SMARCAL1: variants seen among roughly 807,000 people sequenced by gnomAD.
SMARCAL1 encodes the protein SNF2 related chromatin remodeling annealing helicase 1, also known as ATP-driven annealing helicase.
In SMARCAL1, 58 loss-of-function variants were observed where a neutral mutation model predicts 94.5. That is an observed-to-expected ratio of 0.61 (90% CI 0.50 to 0.76). The LOEUF (loss-of-function observed/expected upper bound fraction) is 0.76, where lower values mean the gene tolerates loss of function less well. Among genes scored for constraint, SMARCAL1 ranks in the 30% least tolerant of loss-of-function variants. The pLI, the probability that SMARCAL1 is intolerant of heterozygous loss-of-function variation, is 0.00. For synonymous variants in SMARCAL1, 422 were observed against 455.1 expected (o/e 0.93, Z 0.93); for missense variants, 1,051 against 1,177.9 (o/e 0.89, Z 1.58).
rs927384388 is a variant in SMARCAL1, at chr2:216,447,232, T to C, written c.1851+74T>C. Reference sequence around the variant, plus strand: ...TTGACACTTATCTTTCTCTTCCTTCTCTCTGGCCATGATATGGTCAGAAGA... The same window carrying C: ...TTGACACTTATCTTTCTCTTCCTTCCCTCTGGCCATGATATGGTCAGAAGA... On this transcript the variant is annotated intron_variant, in intron 11 of 17. Coordinates refer to ENST00000357276, the MANE Select transcript of SMARCAL1 (RefSeq NM_014140.4). 6 of 1,559,030 alleles carry C rather than the reference T, an allele frequency of 3.8e-6. No individual in the cohort carries two copies. The African/African-American group carries it at 4.1e-5, about 11-fold the overall frequency.
At chr2:216,435,299 G>A (rs1694057222) in intron 8 of SMARCAL1, 39 bp from the exon 9 acceptor site, 1 of 1,612,074 alleles carries the variant, frequency 6.2e-7, no homozygotes, top group Non-Finnish European at 8.5e-7. Context: ...TGCTGTGCTG[G>A]GTGGTCATTG....
chr2:216,424,287 G>C (rs891052515), intron 6 of SMARCAL1, among the ~76,000 whole-genome samples: 1 of 152,160 alleles, frequency 6.6e-6, no homozygotes, highest in Non-Finnish European at 1.5e-5. Context: ...TCTGTGTTTT[G>C]CTTAGATGGG....
At position 216,447,106 on chromosome 2, in the gene SMARCAL1, C is replaced by T; in HGVS notation, c.1799C>T (p.Thr600Ile). Reference protein sequence around the residue: ...LYTQIIAVKPTFFPQFHAFGL... With the variant: ...LYTQIIAVKPIFFPQFHAFGL... ...ACGCAGATCATCGCAGTCAAGCCAA[C>T]TTTCTTCCCCCAGTTTCATGCCTTT... Residue 600 changes from threonine to isoleucine, a missense_variant, in exon 11 of 18, where the codon ACT (threonine) becomes ATT (isoleucine). By Grantham distance (89) the Thr-to-Ile change is moderately conservative. Coordinates refer to ENST00000357276, the MANE Select transcript of SMARCAL1 (RefSeq NM_014140.4). 6.2e-7 allele frequency: 1 copy of T among 1,614,082 alleles called. No homozygotes were observed. The highest frequency in any genetic ancestry group is 8.5e-7 in the Non-Finnish European group (1 of 1,180,030).
At chr2:216,449,526 T>G (rs1694398345) in intron 11 of SMARCAL1, among the ~76,000 whole-genome samples, 1 of 152,236 alleles carries the variant, frequency 6.6e-6, no homozygotes, top group Non-Finnish European at 1.5e-5. Flanking sequence ...TTTCAGAGTA[T>G]TTTTTAAAAA....
chr2:216,428,474 C>T (rs1184150551), intron 6 of SMARCAL1, 122 bp from the exon 7 acceptor site: 7 of 896,468 alleles, frequency 7.8e-6, no homozygotes, highest in South Asian at 5.5e-5. Context: ...TTTCTCCACC[C>T]ATTATATAGG....
intron 10 of SMARCAL1, among the ~76,000 whole-genome samples, chr2:216,445,700 C>G (rs1396206355): frequency 6.6e-6 from 1 of 152,128 alleles, no homozygotes; most frequent in African/African-American, 2.4e-5. Context: ...TGCATTAAAC[C>G]GTGCAGGAAG....
chr2:216,414,788 A>C lies in SMARCAL1; in HGVS notation c.84A>C (p.Leu28Phe). The C allele has an allele frequency of 6.2e-7, 1 of 1,614,210 alleles. No homozygotes were observed. Among genetic ancestry groups the C allele is most frequent in the Non-Finnish European group, 8.5e-7 (1 of 1,180,038 alleles). ...QKALARRAEK[L>F]LAEQHQRTSS... ...CTCTGGCCCGCAGAGCTGAGAAGTT[A>C]TTGGCAGAACAGCATCAGAGGACTA... The change falls in exon 3 of 18, where the codon TTA (leucine) becomes TTC (phenylalanine). Residue 28 changes from leucine (L) to phenylalanine (F), a missense_variant. This residue lies in a region of SMARCAL1 where 398 missense variants were observed against 395.2 expected (regional missense o/e 1.01). Coordinates refer to ENST00000357276, the MANE Select transcript of SMARCAL1 (RefSeq NM_014140.4).
intron 12 of SMARCAL1, among the ~76,000 whole-genome samples, chr2:216,455,974 A>G (rs1694557336): frequency 6.6e-6 from 1 of 152,244 alleles, no homozygotes; most frequent in African/African-American, 2.4e-5. Flanking sequence ...CGAATGGCTA[A>G]CTAGAATAAC....
At chr2:216,452,188 C>A (rs989330634) in intron 12 of SMARCAL1, among the ~76,000 whole-genome samples, 15 of 151,980 alleles carry the variant, frequency 9.9e-5, no homozygotes, top group Admixed American at 9.8e-4. Flanking sequence ...TCGATGTAGA[C>A]ATATAGACCA....
intron 14 of SMARCAL1, among the ~76,000 whole-genome samples, chr2:216,469,761 T>C (rs1694922044): frequency 6.6e-6 from 1 of 152,198 alleles, no homozygotes; most frequent in African/African-American, 2.4e-5. Context: ...TGCTCTTGCA[T>C]GGTTATTAAA....
chr2:216,428,978 G>C (rs1404747101), intron 7 of SMARCAL1, among the ~76,000 whole-genome samples, 196 bp downstream of exon 7: 1 of 152,168 alleles, frequency 6.6e-6, no homozygotes, highest in Non-Finnish European at 1.5e-5. Context: ...AAATTCCATG[G>C]GTTAATCAAG....
intron 8 of SMARCAL1, among the ~76,000 whole-genome samples, chr2:216,434,903 G>A (rs973781117): frequency 1.4e-5 from 2 of 143,942 alleles, no homozygotes; most frequent in African/African-American, 5.3e-5. Flanking sequence ...TTGTTGCCCA[G>A]GCCGGAGTGC....
chr2:216,438,387 A>T, intron 9 of SMARCAL1, 33 bp from the exon 10 acceptor site: 1 of 1,595,038 alleles, frequency 6.3e-7, no homozygotes, highest in East Asian at 2.2e-5. Flanking sequence ...TCAGGATTGG[A>T]TCTTGTACAC....
At chr2:216,430,945 G>T (rs935170216) in intron 7 of SMARCAL1, among the ~76,000 whole-genome samples, 1 of 152,258 alleles carries the variant, frequency 6.6e-6, no homozygotes. Flanking sequence ...TTTCATAGAG[G>T]TGGGTGTACA....
chr2:216,455,827 G>A (rs1021442056), intron 12 of SMARCAL1, among the ~76,000 whole-genome samples: 2 of 152,234 alleles, frequency 1.3e-5, no homozygotes, highest in African/African-American at 4.8e-5. Context: ...CTCCTCACCA[G>A]CAATGGAACA....
chr2:216,459,455 C>T (rs1205026586), intron 12 of SMARCAL1, among the ~76,000 whole-genome samples: 4 of 152,128 alleles, frequency 2.6e-5, no homozygotes, highest in African/African-American at 9.7e-5. Context: ...CTACAGTAAC[C>T]AAAACAGCAT....
chr2:216,449,382 TTTTTTTC>T (rs1480354577), intron 11 of SMARCAL1, among the ~76,000 whole-genome samples: 2 of 141,038 alleles, frequency 1.4e-5, no homozygotes, highest in East Asian at 2.0e-4. Flanking sequence ...GGCTGCCTTT[TTTTTTTC>T]TTTTTCTTTT....
At chr2:216,432,685 G>A (rs549148200) in intron 7 of SMARCAL1, 33 bp from the exon 8 acceptor site, 8 of 1,613,750 alleles carry the variant, frequency 5.0e-6, no homozygotes, top group African/African-American at 1.3e-5. Context: ...CATGCCCCGG[G>A]AAATGTGCCA....
At chr2:216,432,897 C>A in intron 8 of SMARCAL1, 29 bp downstream of exon 8, 1 of 1,613,832 alleles carries the variant, frequency 6.2e-7, no homozygotes, top group South Asian at 1.1e-5. Flanking sequence ...GCAGTTTTCA[C>A]AGAGAAGGTT....
Sources: gnomAD v4.1 joint callset for allele counts (sites outside exome capture counted in the v4.1 genomes callset) on GRCh38, gnomAD v4.1.1 for gene constraint, gnomAD v4.1.1 regional missense constraint, MANE v1.5 for transcripts, NCBI Gene and HGNC (gene_info 2026-07-23, HGNC 2026-07-21) for gene names.